MAL2: variants seen among roughly 807,000 people sequenced by gnomAD.
MAL2 encodes the protein mal, T cell differentiation protein 2.
Under a neutral mutation model 18.1 loss-of-function variants are expected in MAL2, and 17 were observed. The observed-to-expected ratio is 0.94, with a 90% CI of 0.64 to 1.41. The LOEUF (loss-of-function observed/expected upper bound fraction) is 1.41, where lower values mean the gene tolerates loss of function less well. Among genes scored for constraint, MAL2 ranks in the 40% most tolerant of loss-of-function variants. The pLI is 0.00. For synonymous variants in MAL2, 102 were observed against 102.3 expected (o/e 1.00, Z 0.02); for missense variants, 222 against 231.9 (o/e 0.96, Z 0.28).
At chr8:119,214,521 A>T (rs1296262074) in intron 1 of MAL2, among the ~76,000 whole-genome samples, 1 of 152,212 alleles carries the variant, frequency 6.6e-6, no homozygotes, top group Non-Finnish European at 1.5e-5. Context: ...GCACGCAGGA[A>T]CAGCTTTAAA....
chr8:119,218,733 A>G (rs1817406233), intron 1 of MAL2, among the ~76,000 whole-genome samples: 1 of 152,182 alleles, frequency 6.6e-6, no homozygotes, highest in Non-Finnish European at 1.5e-5. Flanking sequence ...GTTGAATTCC[A>G]AAGGATCATA....
rs939778310 is a variant in MAL2, at chr8:119,245,059, T to C, written c.*1571T>C. ...TGATCAAGTGTTACTTATCTAATAA[T>C]CCTCTAGAAAGAACCCTGTTAGATC... On this transcript the variant is annotated 3_prime_UTR_variant, in exon 4 of 4. Transcript: ENST00000614891. 1 of 152,556 alleles carries C rather than the reference T, an allele frequency of 6.6e-6. No individual in the cohort carries two copies. Among genetic ancestry groups the C allele is most frequent in the African/African-American group, 2.4e-5 (1 of 41,428 alleles). The allele number at this position is 152,556 out of a possible 1,614,324, so 9.5% of individuals were successfully genotyped here. A position where few individuals can be genotyped will look rare whatever the true frequency, so the allele number is the denominator to read the frequency against.
chr8:119,219,127 G>T (rs1023944397), intron 1 of MAL2, among the ~76,000 whole-genome samples: 1 of 152,176 alleles, frequency 6.6e-6, no homozygotes, highest in African/African-American at 2.4e-5. Context: ...AAATGTTTAA[G>T]ATGCACTGAT....
chr8:119,216,941 A>C lies in MAL2; in HGVS notation c.133-4646A>C, dbSNP rs547047975. On this transcript the variant is annotated intron_variant, in intron 1 of 3. Coordinates refer to ENST00000614891, the MANE Select transcript of MAL2 (RefSeq NM_052886.3). ...GTTTAAAAGCAGGTAATTAGGAAAT[A>C]AGTGACATTTGAAAAGAAAAAGGGC... Among the ~76,000 whole-genome samples, 3 of 152,348 alleles carry C rather than the reference A, an allele frequency of 2.0e-5. No individual in the cohort carries two copies. In the South Asian group the frequency reaches 6.2e-4, roughly 32 times the overall value.
At chr8:119,223,552 T>A (rs1488535578) in intron 2 of MAL2, among the ~76,000 whole-genome samples, 1 of 151,926 alleles carries the variant, frequency 6.6e-6, no homozygotes, top group African/African-American at 2.4e-5. Flanking sequence ...TGCTACTCTA[T>A]GAAAGTGACA....
At position 119,208,655 on chromosome 8, in the gene MAL2, C is replaced by T. The variant is rs909878318; in HGVS notation, c.132+51C>T. On this transcript the variant is annotated intron_variant, in intron 1 of 3. Coordinates refer to ENST00000614891, the MANE Select transcript of MAL2 (RefSeq NM_052886.3). This position sits in a 1 kb window ranked among gnomAD's most constrained non-coding sequence, Gnocchi z 4.3. ...TCGCGCGGGGAGCGAGGACAGGCGG[C>T]GGCATCCTTGTCCCCCGGGCTGTCT... The T allele has an allele frequency of 1.3e-5, 16 of 1,259,240 alleles. No individual in the cohort carries two copies. The Admixed American group carries it at 5.7e-4, about 45-fold the overall frequency. 78.0% of individuals were successfully genotyped at this position (1,259,240 alleles called of 1,614,324 possible).
chr8:119,233,366 T>C, intron 2 of MAL2, among the ~76,000 whole-genome samples: 1 of 151,858 alleles, frequency 6.6e-6, no homozygotes, highest in Non-Finnish European at 1.5e-5. Flanking sequence ...AAAAACCCTC[T>C]AAAAAATTAA....
Position 119,228,764 on chromosome 8 carries a change from GTAAT to G in MAL2, c.303+7013_303+7016del, listed in dbSNP as rs373141634. On this transcript the variant is annotated intron_variant, in intron 2 of 3. Transcript: ENST00000614891. The stretch of plus-strand genomic sequence containing the variant: ...AATTCATAAATCCTCGATGCCCTAG[GTAAT>G]TAATTGTATTTTAGTGAGAATAACC... Among the ~76,000 whole-genome samples the G allele has an allele frequency of 2.8e-3, 431 of 152,260 alleles. 1 individual carries two copies. Among genetic ancestry groups the G allele is most frequent in the African/African-American group, 9.8e-3 (405 of 41,538 alleles).
chr8:119,239,018 A>G (rs1250624639), intron 2 of MAL2, among the ~76,000 whole-genome samples: 1 of 151,980 alleles, frequency 6.6e-6, no homozygotes, highest in Non-Finnish European at 1.5e-5. Context: ...AATTTTCACA[A>G]CCTACTCATC....
At chr8:119,230,980 T>G (rs1432146784) in intron 2 of MAL2, among the ~76,000 whole-genome samples, 1 of 152,182 alleles carries the variant, frequency 6.6e-6, no homozygotes, top group Non-Finnish European at 1.5e-5. Flanking sequence ...TACCCATGGT[T>G]AGTTAAATTT....
chr8:119,235,213 TAGA>T (rs992926150), intron 2 of MAL2, among the ~76,000 whole-genome samples: 1 of 151,788 alleles, frequency 6.6e-6, no homozygotes, highest in Non-Finnish European at 1.5e-5. Flanking sequence ...GTATCAGCAA[TAGA>T]AGATGAAATG....
rs2129936158 is a variant in MAL2 at position 119,243,697 on chromosome 8, C to G, written c.*209C>G. The G allele has an allele frequency of 2.5e-6, 1 of 392,968 alleles. No homozygotes were observed. Among genetic ancestry groups the G allele is most frequent in the Non-Finnish European group, 4.5e-6 (1 of 222,438 alleles). The allele number at this position is 392,968 out of a possible 1,614,324, so 24.3% of individuals were successfully genotyped here. A position where few individuals can be genotyped will look rare whatever the true frequency, so the allele number is the denominator to read the frequency against. On this transcript the variant is annotated 3_prime_UTR_variant, in exon 4 of 4. Transcript: ENST00000614891. Reference sequence around the variant, plus strand: ...AAAGAAATGGCCTTTTATTTTACATCTCTCCCCTTTTTCCCTTTCCCCCTT... The same window carrying G: ...AAAGAAATGGCCTTTTATTTTACATGTCTCCCCTTTTTCCCTTTCCCCCTT...
intron 2 of MAL2, among the ~76,000 whole-genome samples, chr8:119,227,983 C>A (rs1817630532): frequency 7.7e-6 from 1 of 129,214 alleles, no homozygotes; most frequent in Non-Finnish European, 1.8e-5. Context: ...CTGCTTCAGG[C>A]CAGTATTGCT....
chr8:119,238,768 A>C (rs1817972834), intron 2 of MAL2, among the ~76,000 whole-genome samples: 1 of 150,684 alleles, frequency 6.6e-6, no homozygotes, highest in South Asian at 2.1e-4. Context: ...CTTATACAAA[A>C]ATTAATTCAA....
chr8:119,242,504 TAATAATAGGTATCA>T (rs1293289273), intron 3 of MAL2, among the ~76,000 whole-genome samples: 22 of 152,174 alleles, frequency 1.4e-4, no homozygotes, highest in African/African-American at 3.1e-4. Flanking sequence ...TCCTTTTCCC[TAATAATAGGTATCA>T]AATAATAGGT....
intron 2 of MAL2, among the ~76,000 whole-genome samples, chr8:119,229,824 G>T (rs1215254520): frequency 2.0e-5 from 3 of 152,200 alleles, no homozygotes; most frequent in East Asian, 1.9e-4. Flanking sequence ...TCTCCTTCAC[G>T]TGGGCATAAG....
intron 2 of MAL2, among the ~76,000 whole-genome samples, chr8:119,227,060 C>G (rs1817611661): frequency 6.6e-6 from 1 of 152,122 alleles, no homozygotes; most frequent in Non-Finnish European, 1.5e-5. Context: ...GTAGTTGGCC[C>G]TATACTAGGC....
chr8:119,227,093 AAGAC>A (rs1410024588), intron 2 of MAL2, among the ~76,000 whole-genome samples: 2 of 152,228 alleles, frequency 1.3e-5, no homozygotes, highest in African/African-American at 2.4e-5. Flanking sequence ...ATTGTGAAAA[AAGAC>A]AGATCTAGCA....
chr8:119,221,390 G>A (rs1817461317), intron 1 of MAL2, 197 bp from the exon 2 acceptor site: 3 of 597,470 alleles, frequency 5.0e-6, no homozygotes, highest in Admixed American at 6.0e-5. Flanking sequence ...TCTCCAAGCA[G>A]GAGGATTGAT....
Sources: gnomAD v4.1 joint callset for allele counts (sites outside exome capture counted in the v4.1 genomes callset) on GRCh38, gnomAD v4.1.1 for gene constraint, Gnocchi (gnomAD v3.1) non-coding constraint, MANE v1.5 for transcripts, NCBI Gene and HGNC (gene_info 2026-07-23, HGNC 2026-07-21) for gene names.